The following ZCCHC14 variants were observed in gnomAD, a reference collection of about 807,000 sequenced individuals.
The protein encoded by ZCCHC14 is zinc finger CCHC domain-containing protein 14.
ZCCHC14 carries 16 observed loss-of-function variants against 85.0 expected under a neutral mutation model. The observed-to-expected ratio is 0.19, with a 90% CI of 0.13 to 0.29. The LOEUF is 0.29. ZCCHC14 is among the 10% of genes least tolerant of loss of function. The pLI, the probability that ZCCHC14 is intolerant of heterozygous loss-of-function variation, is 1.00. For synonymous variants in ZCCHC14, 775 were observed against 630.7 expected, an observed-to-expected ratio of 1.23 and a Z score of -3.43; for missense variants, 1,303 against 1,443.5, an observed-to-expected ratio of 0.90 and a Z score of 1.58.
chr16:87,440,440 C>T (rs1910128939), intron 2 of ZCCHC14, among the ~76,000 whole-genome samples: 1 of 152,178 alleles, frequency 6.6e-6, no homozygotes, highest in African/African-American at 2.4e-5. Context: ...GCTGGGATTA[C>T]AGGCATGAGC....
intron 1 of ZCCHC14, among the ~76,000 whole-genome samples, chr16:87,461,945 G>A (rs1456589602): frequency 2.0e-5 from 3 of 152,136 alleles, no homozygotes; most frequent in Non-Finnish European, 2.9e-5. Flanking sequence ...ACTTGTCACA[G>A]GGCTACATAA....
intron 1 of ZCCHC14, among the ~76,000 whole-genome samples, chr16:87,469,409 A>G (rs1911678239): frequency 6.6e-6 from 1 of 152,230 alleles, no homozygotes; most frequent in Admixed American, 6.5e-5. Flanking sequence ...TGCAGACTTT[A>G]GGTCCTGTAA....
chr16:87,431,132 T>G (rs1420434086), intron 3 of ZCCHC14, among the ~76,000 whole-genome samples: 1 of 140,724 alleles, frequency 7.1e-6, no homozygotes, highest in Non-Finnish European at 1.5e-5. Context: ...AGCAAGACAG[T>G]GTCAAAAAAA....
intron 2 of ZCCHC14, among the ~76,000 whole-genome samples, chr16:87,444,762 G>A (rs1910353032): frequency 6.6e-6 from 1 of 152,162 alleles, no homozygotes; most frequent in Non-Finnish European, 1.5e-5. Context: ...AGATGGAGGA[G>A]CAGCTACTGA....
rs966719174 is a variant in ZCCHC14, at chr16:87,412,652, T to C, written c.2069A>G (p.Lys690Arg). The change falls in exon 12 of 13, where the codon AAG becomes AGG. Residue 690 changes from lysine to arginine, a missense_variant. Coordinates refer to ENST00000671377, the MANE Select transcript of ZCCHC14 (RefSeq NM_015144.3). ...SGPRSSMKVDKSFGSAMMDVL... is the reference protein window; with the variant it reads ...SGPRSSMKVDRSFGSAMMDVL... ...GTCCATCATGGCGCTGCCAAAGCTC[T>C]TGTCCACTTTCATGCTGCTTCTTGG... 41 of 1,614,092 alleles carry C rather than the reference T, an allele frequency of 2.5e-5. No homozygotes were observed. Among genetic ancestry groups the C allele is most frequent in the Non-Finnish European group, 3.3e-5 (39 of 1,180,036 alleles).
intron 2 of ZCCHC14, among the ~76,000 whole-genome samples, chr16:87,442,766 A>G (rs369109168): frequency 5.3e-5 from 8 of 152,358 alleles, no homozygotes; most frequent in African/African-American, 1.9e-4. Flanking sequence ...GCAATCAAAA[A>G]CAATACATTA....
chr16:87,418,884 G>T lies in ZCCHC14; in HGVS notation c.1063C>A (p.Leu355Ile), dbSNP rs762239541. Residue 355 changes from leucine (L) to isoleucine (I), a missense_variant, in exon 7 of 13, where the codon CTT becomes ATT. Leu to Ile is a conservative substitution (Grantham distance 5). Around this residue, in one of 7 missense-constraint regions of ZCCHC14, gnomAD observed 389 missense variants for 397.8 expected, o/e 0.98. Transcript: ENST00000671377. ...CCCATCACGGTACCTACTTTAGAAAGGGAGGGATTGCCAGGACCTATAAAT... is the reference window on the plus strand; with the variant it reads ...CCCATCACGGTACCTACTTTAGAAATGGAGGGATTGCCAGGACCTATAAAT... ...LQSPSPGNPSLSKVGTVMGVS... is the reference protein window; with the variant it reads ...LQSPSPGNPSISKVGTVMGVS... 6.2e-7 allele frequency: 1 copy of T among 1,612,974 alleles called. No homozygotes were observed. The highest frequency in any genetic ancestry group is 1.1e-5 in the South Asian group (1 of 90,982).
chr16:87,432,139 G>A (rs1171953222), intron 3 of ZCCHC14, among the ~76,000 whole-genome samples: 3 of 152,154 alleles, frequency 2.0e-5, no homozygotes, highest in Non-Finnish European at 4.4e-5. Flanking sequence ...GATGCTCACA[G>A]GAGTTCTGTC....
intron 1 of ZCCHC14, among the ~76,000 whole-genome samples, chr16:87,481,796 T>C (rs1451806497): frequency 6.6e-6 from 1 of 152,180 alleles, no homozygotes; most frequent in Non-Finnish European, 1.5e-5. Flanking sequence ...GGTTGGTGTC[T>C]TGGTCTGTTT....
chr16:87,458,436 A>G (rs1911083315), intron 2 of ZCCHC14, among the ~76,000 whole-genome samples: 1 of 152,178 alleles, frequency 6.6e-6, no homozygotes, highest in African/African-American at 2.4e-5. Flanking sequence ...GGATAAGACA[A>G]AGACTGTTGC....
intron 2 of ZCCHC14, among the ~76,000 whole-genome samples, chr16:87,456,533 C>CAAAA (rs60817141): frequency 0.22 from 13,838 of 62,532 alleles, 3,499 homozygotes; most frequent in Non-Finnish European, 0.31. Context: ...ACTCTGTCTC[C>CAAAA]AAAAAAAAAA....
chr16:87,458,432 G>A (rs763513996), intron 2 of ZCCHC14, among the ~76,000 whole-genome samples: 5 of 152,204 alleles, frequency 3.3e-5, no homozygotes, highest in Admixed American at 6.5e-5. Context: ...CAGTGGATAA[G>A]ACAAAGACTG....
chr16:87,487,303 C>T (rs1912553227), intron 1 of ZCCHC14, among the ~76,000 whole-genome samples: 2 of 152,054 alleles, frequency 1.3e-5, no homozygotes, highest in Admixed American at 6.5e-5. Context: ...TTTTTAGTAC[C>T]CCCTTAAAAA....
In ZCCHC14 at chr16:87,411,835, CAAG is replaced by C. The variant is rs769471516; in HGVS notation, c.2883_2885del (p.Phe961del). 2.5e-6 allele frequency: 4 copies of C among 1,610,672 alleles called. No homozygotes were observed. The highest frequency in any genetic ancestry group is 2.5e-6 in the Non-Finnish European group (3 of 1,178,754). ...CGCTGCTGCACATGGGACTGAAGGG[CAAG>C]AAGGGGAAGGTGAACACGGACGGAC... On this transcript the variant is annotated inframe_deletion, in exon 12 of 13. Transcript: ENST00000671377.
At chr16:87,430,110 C>T (rs542476910) in intron 3 of ZCCHC14, among the ~76,000 whole-genome samples, 1 of 152,218 alleles carries the variant, frequency 6.6e-6, no homozygotes, top group African/African-American at 2.4e-5. Flanking sequence ...TTTTCAGCAC[C>T]GTATCTCAGA....
At chr16:87,443,231 G>A (rs548878629) in intron 2 of ZCCHC14, among the ~76,000 whole-genome samples, 2 of 152,192 alleles carry the variant, frequency 1.3e-5, no homozygotes, top group South Asian at 2.1e-4. Context: ...GATGGTGGTC[G>A]GGTTTCCACC....
intron 1 of ZCCHC14, among the ~76,000 whole-genome samples, chr16:87,485,319 C>T (rs748673690): frequency 2.0e-5 from 3 of 152,182 alleles, no homozygotes; most frequent in Non-Finnish European, 4.4e-5. Flanking sequence ...ACAGAAACTG[C>T]TAAGAATTAA....
At chr16:87,477,569 C>T (rs1305047696) in intron 1 of ZCCHC14, among the ~76,000 whole-genome samples, 1 of 152,216 alleles carries the variant, frequency 6.6e-6, no homozygotes, top group Non-Finnish European at 1.5e-5. Context: ...ATTTTAACTT[C>T]ACATAATAAA....
chr16:87,431,912 C>T (rs1909684018), intron 3 of ZCCHC14, among the ~76,000 whole-genome samples: 1 of 152,172 alleles, frequency 6.6e-6, no homozygotes, highest in South Asian at 2.1e-4. Flanking sequence ...GAGACTCCGG[C>T]ACTACCATCA....
Sources: allele counts gnomAD v4.1 joint callset (sites outside exome capture counted in the v4.1 genomes callset), GRCh38; gene constraint gnomAD v4.1.1; regional missense constraint gnomAD v4.1.1; transcripts MANE v1.5; gene names NCBI Gene and HGNC (gene_info 2026-07-23, HGNC 2026-07-21).